The following EYS variants were observed in gnomAD, a reference collection of about 807,000 sequenced individuals.
The protein encoded by EYS is protein eyes shut homolog.
In EYS, 250 loss-of-function variants were observed where a neutral mutation model predicts 282.1. The ratio of observed to expected loss-of-function variants is 0.89; its 90% CI spans 0.80 to 0.98. The LOEUF (loss-of-function observed/expected upper bound fraction) is 0.98. Ranked by LOEUF, EYS falls within the 50% of genes least tolerant of loss-of-function variation. The probability of loss-of-function intolerance (pLI) is 0.00; values close to 1 mark genes in which losing one functional copy is unlikely to be tolerated. For missense variants in EYS, 4,016 were observed against 3,709.0 expected, an observed-to-expected ratio of 1.08 and a Z score of -2.15; for synonymous variants, 1,355 against 1,282.9, an observed-to-expected ratio of 1.06 and a Z score of -1.20.
chr6:65,658,251 C>A (rs1035354368), intron 1 of EYS, among the ~76,000 whole-genome samples: 68 of 151,444 alleles, frequency 4.5e-4, no homozygotes, highest in African/African-American at 1.5e-3. Flanking sequence ...GGAGATAAGA[C>A]CACCAAATGT....
intron 12 of EYS, among the ~76,000 whole-genome samples, chr6:65,232,365 T>G (rs1562038764): frequency 6.6e-6 from 1 of 152,140 alleles, no homozygotes; most frequent in Non-Finnish European, 1.5e-5. Flanking sequence ...CTAAAACCAC[T>G]GTGATCTACT....
At chr6:64,042,436 G>T (rs575279842) in intron 33 of EYS, among the ~76,000 whole-genome samples, 35 of 152,130 alleles carry the variant, frequency 2.3e-4, no homozygotes, top group East Asian at 3.9e-4. Flanking sequence ...TGACTTTGGG[G>T]TTACTTTTCA....
chr6:65,335,772 C>T (rs185331686), intron 10 of EYS, among the ~76,000 whole-genome samples: 1 of 151,764 alleles, frequency 6.6e-6, no homozygotes, highest in African/African-American at 2.4e-5. Flanking sequence ...TCACCCTGCC[C>T]TTTACCACTT....
intron 26 of EYS, among the ~76,000 whole-genome samples, chr6:64,543,296 C>T (rs780970962): frequency 5.9e-5 from 9 of 152,002 alleles, no homozygotes; most frequent in Middle Eastern, 3.4e-3. Flanking sequence ...GTTCAAATTA[C>T]GGAAAAACAG....
intron 26 of EYS, among the ~76,000 whole-genome samples, chr6:64,589,120 T>A (rs1347779438): frequency 6.6e-6 from 1 of 152,030 alleles, no homozygotes; most frequent in Non-Finnish European, 1.5e-5. Context: ...ATGTGAGTTA[T>A]AACAGATAAA....
intron 39 of EYS, among the ~76,000 whole-genome samples, chr6:63,780,433 C>T (rs1418397339): frequency 5.3e-5 from 8 of 152,152 alleles, no homozygotes; most frequent in South Asian, 2.1e-4. Flanking sequence ...TTTTAATGAT[C>T]GGCATTCTAA....
chr6:65,341,128 T>C (rs1166143041), intron 10 of EYS, among the ~76,000 whole-genome samples: 2 of 151,214 alleles, frequency 1.3e-5, no homozygotes, highest in African/African-American at 4.8e-5. Flanking sequence ...GCGTGGGTTC[T>C]ATAAGTACAT....
intron 12 of EYS, among the ~76,000 whole-genome samples, chr6:65,280,064 T>C (rs982196297): frequency 6.6e-5 from 10 of 152,184 alleles, no homozygotes; most frequent in African/African-American, 2.2e-4. Context: ...AGTCACTTAA[T>C]AAAGTACTGG....
At chr6:64,812,462 A>C (rs1180298565) in intron 22 of EYS, among the ~76,000 whole-genome samples, 1 of 152,152 alleles carries the variant, frequency 6.6e-6, no homozygotes, top group Non-Finnish European at 1.5e-5. Context: ...CAAATAAAAA[A>C]TACAGTAGAT....
chr6:65,309,968 C>T (rs559080914), intron 11 of EYS, among the ~76,000 whole-genome samples: 17 of 152,302 alleles, frequency 1.1e-4, no homozygotes, highest in Non-Finnish European at 1.9e-4. Context: ...GGTTGAATAG[C>T]CATATTGATC....
At chr6:64,239,600 G>GTT (rs143565376) in intron 30 of EYS, among the ~76,000 whole-genome samples, 65 of 145,092 alleles carry the variant, frequency 4.5e-4, no homozygotes, top group African/African-American at 1.6e-3. Flanking sequence ...TGATGGGGTT[G>GTT]TTTTTTTTTT....
intron 5 of EYS, among the ~76,000 whole-genome samples, chr6:65,437,036 T>G (rs1328411055): frequency 6.6e-6 from 1 of 152,066 alleles, no homozygotes; most frequent in Non-Finnish European, 1.5e-5. Context: ...AAGTATAGTA[T>G]TTTGGTGTAA....
chr6:64,374,228 G>T (rs1238449112), intron 29 of EYS, among the ~76,000 whole-genome samples: 1 of 147,828 alleles, frequency 6.8e-6, no homozygotes, highest in African/African-American at 2.5e-5. Context: ...TGAGTGGTGT[G>T]GGGGTTAGGG....
intron 12 of EYS, among the ~76,000 whole-genome samples, chr6:65,215,515 T>G (rs1343144172): frequency 6.6e-6 from 1 of 152,220 alleles, no homozygotes; most frequent in Non-Finnish European, 1.5e-5. Context: ...AATGTACTTC[T>G]TGTGAAGGTG....
intron 26 of EYS, among the ~76,000 whole-genome samples, chr6:64,495,781 C>A (rs1776871651): frequency 6.6e-6 from 1 of 151,652 alleles, no homozygotes; most frequent in Non-Finnish European, 1.5e-5. Flanking sequence ...ACTAATGATT[C>A]TCTAGTTTTA....
chr6:64,451,224 T>G (rs951813190), intron 26 of EYS, among the ~76,000 whole-genome samples: 5 of 152,120 alleles, frequency 3.3e-5, no homozygotes, highest in Non-Finnish European at 7.4e-5. Flanking sequence ...GAGAATACTA[T>G]AAACACCTCT....
intron 8 of EYS, among the ~76,000 whole-genome samples, chr6:65,370,485 C>A (rs1765101259): frequency 6.6e-6 from 1 of 151,164 alleles, no homozygotes; most frequent in Non-Finnish European, 1.5e-5. Context: ...GAACTCCTGG[C>A]CTCAAGCCAT....
intron 41 of EYS, among the ~76,000 whole-genome samples, chr6:63,741,092 A>T (rs1769063871): frequency 6.6e-6 from 1 of 152,198 alleles, no homozygotes; most frequent in African/African-American, 2.4e-5. Context: ...TCTGGCCAAT[A>T]GCTTCAGGGA....
At chr6:65,023,027 T>G (rs926403499) in intron 13 of EYS, among the ~76,000 whole-genome samples, 4 of 152,134 alleles carry the variant, frequency 2.6e-5, no homozygotes, top group Non-Finnish European at 4.4e-5. Flanking sequence ...AAGAGAGGAC[T>G]GTTAATGGGT....
Sources: allele counts gnomAD v4.1 joint callset (sites outside exome capture counted in the v4.1 genomes callset), GRCh38; gene constraint gnomAD v4.1.1; transcripts MANE v1.5; gene names NCBI Gene and HGNC (gene_info 2026-07-23, HGNC 2026-07-21).